CNTNAP2: variants seen among roughly 807,000 people sequenced by gnomAD.
CNTNAP2 encodes the protein contactin associated protein 2.
CNTNAP2 carries 98 observed loss-of-function variants against 155.2 expected under a neutral mutation model. The observed-to-expected ratio is 0.63, with a 90% CI of 0.54 to 0.75. CNTNAP2 has a LOEUF of 0.75. Ranked by LOEUF, CNTNAP2 falls within the 30% of genes least tolerant of loss-of-function variation. CNTNAP2 has a pLI of 0.00. For missense variants in CNTNAP2, 1,727 were observed against 1,688.1 expected (o/e 1.02, Z -0.40); for synonymous variants, 651 against 631.2 (o/e 1.03, Z -0.47).
At chr7:146,535,758 C>T (rs1208019352) in intron 1 of CNTNAP2, among the ~76,000 whole-genome samples, 4 of 151,784 alleles carry the variant, frequency 2.6e-5, no homozygotes, top group Non-Finnish European at 5.9e-5. Context: ...CTAACCCTTT[C>T]CCCCTCCCTT....
chr7:147,835,846 AAG>A (rs1310727908), intron 13 of CNTNAP2, among the ~76,000 whole-genome samples: 1 of 152,192 alleles, frequency 6.6e-6, no homozygotes, highest in African/African-American at 2.4e-5. Flanking sequence ...GACCCATGTG[AAG>A]AGAGAGGAAG....
chr7:147,993,144 C>T (rs1468194552), intron 15 of CNTNAP2, among the ~76,000 whole-genome samples: 1 of 152,178 alleles, frequency 6.6e-6, no homozygotes, highest in African/African-American at 2.4e-5. Context: ...GCTTGATTTG[C>T]TCTTTTGGTT....
chr7:147,956,607 C>T (rs373386525), intron 14 of CNTNAP2, among the ~76,000 whole-genome samples: 7 of 152,146 alleles, frequency 4.6e-5, no homozygotes, highest in Admixed American at 1.3e-4. Flanking sequence ...CATACCTAGA[C>T]CCTGAAATGA....
At chr7:146,958,370 C>T (rs1231000261) in intron 3 of CNTNAP2, among the ~76,000 whole-genome samples, 4 of 149,736 alleles carry the variant, frequency 2.7e-5, no homozygotes, top group East Asian at 3.9e-4. Context: ...TTTAAAACTA[C>T]GCTGATGCTT....
intron 14 of CNTNAP2, among the ~76,000 whole-genome samples, chr7:147,936,291 ATTTAT>A (rs1800604960): frequency 8.2e-6 from 1 of 122,252 alleles, no homozygotes; most frequent in South Asian, 3.0e-4. Flanking sequence ...TGTACACGAC[ATTTAT>A]TTTATTTTTT....
chr7:147,943,618 C>G (rs535089476), intron 14 of CNTNAP2, among the ~76,000 whole-genome samples: 2 of 151,384 alleles, frequency 1.3e-5, no homozygotes, highest in Admixed American at 1.3e-4. Flanking sequence ...AAAATAGAAA[C>G]ATTATCTGGG....
At position 147,536,132 on chromosome 7, in the gene CNTNAP2, G is replaced by T. The variant is rs940107029; in HGVS notation, c.1778-26006G>T. Among the ~76,000 whole-genome samples the T allele has an allele frequency of 3.3e-5, 5 of 152,236 alleles. No homozygotes were observed. In the East Asian group the frequency reaches 9.7e-4, roughly 29 times the overall value. On this transcript the variant is annotated intron_variant, in intron 11 of 23. Transcript: ENST00000361727. ...CTTTTAAAATTATTGCATCCACAGA[G>T]TTTACCAAATGAGTCTGAAATTTAA...
chr7:147,507,384 C>T (rs1367685097), intron 11 of CNTNAP2, among the ~76,000 whole-genome samples: 2 of 152,128 alleles, frequency 1.3e-5, no homozygotes, highest in African/African-American at 2.4e-5. Flanking sequence ...TGTCTCTCTT[C>T]ACCCGCTCCT....
chr7:148,072,432 T>C (rs1803398172), intron 15 of CNTNAP2, among the ~76,000 whole-genome samples: 1 of 152,210 alleles, frequency 6.6e-6, no homozygotes, highest in Non-Finnish European at 1.5e-5. Flanking sequence ...AAAATGGGTA[T>C]GGTTGTGCTC....
In CNTNAP2 at chr7:146,721,889, A is replaced by ATTTTTT. The variant is rs71527797; in HGVS notation, c.98-52370_98-52365dup. On this transcript the variant is annotated intron_variant, in intron 1 of 23. Coordinates refer to ENST00000361727, the MANE Select transcript of CNTNAP2 (RefSeq NM_014141.6). ...TGTGTGTGTGTGTATATATATATATATTTTTTTTTTTTTTTTTGAGATGGA... is the reference window on the plus strand; with the variant it reads ...TGTGTGTGTGTGTATATATATATATATTTTTTTTTTTTTTTTTTTTTTTGAGATGGA... 7.2e-5 allele frequency among the ~76,000 whole-genome samples: 5 copies of ATTTTTT among 69,708 alleles called. 1 individual carries two copies. In the African/African-American group the frequency reaches 9.5e-4, roughly 13 times the overall value. 45.7% of individuals were successfully genotyped at this position (69,708 alleles called of 152,430 possible).
intron 15 of CNTNAP2, among the ~76,000 whole-genome samples, chr7:148,062,014 A>G (rs1226734711): frequency 1.5e-5 from 2 of 130,492 alleles, no homozygotes; most frequent in Non-Finnish European, 3.2e-5. Context: ...TAGATGATAG[A>G]GAGAGAGAGA....
At chr7:147,178,798 T>C (rs1802399998) in intron 8 of CNTNAP2, among the ~76,000 whole-genome samples, 1 of 152,192 alleles carries the variant, frequency 6.6e-6, no homozygotes, top group Non-Finnish European at 1.5e-5. Context: ...ATGTAGGTTA[T>C]GTTCGACCTT....
intron 1 of CNTNAP2, among the ~76,000 whole-genome samples, chr7:146,277,465 C>T (rs1302805276): frequency 6.6e-6 from 1 of 152,132 alleles, no homozygotes; most frequent in Non-Finnish European, 1.5e-5. Flanking sequence ...GAGGAAAATA[C>T]TGAGCCAGTC....
At chr7:147,059,526 A>G (rs1162741565) in intron 4 of CNTNAP2, among the ~76,000 whole-genome samples, 1 of 151,622 alleles carries the variant, frequency 6.6e-6, no homozygotes, top group Non-Finnish European at 1.5e-5. Context: ...AATTAAGTAT[A>G]GTACTATCCC....
At chr7:146,846,385 A>T (rs1803841666) in intron 3 of CNTNAP2, among the ~76,000 whole-genome samples, 1 of 149,842 alleles carries the variant, frequency 6.7e-6, no homozygotes, top group African/African-American at 2.5e-5. Flanking sequence ...ATGGGGTAAA[A>T]ATCTTCAGAA....
At chr7:147,627,888 G>A (rs1236844140) in intron 12 of CNTNAP2, among the ~76,000 whole-genome samples, 2 of 150,608 alleles carry the variant, frequency 1.3e-5, no homozygotes, top group Non-Finnish European at 3.0e-5. Flanking sequence ...GAATTTTGGA[G>A]CTCAAAGACA....
At chr7:147,863,801 C>A (rs1039308827) in intron 13 of CNTNAP2, among the ~76,000 whole-genome samples, 4 of 147,766 alleles carry the variant, frequency 2.7e-5, no homozygotes, top group South Asian at 2.2e-4. Flanking sequence ...AAATTTGTTT[C>A]AGTTCTTCGT....
At chr7:146,686,062 T>C (rs1164063140) in intron 1 of CNTNAP2, among the ~76,000 whole-genome samples, 1 of 152,142 alleles carries the variant, frequency 6.6e-6, no homozygotes, top group Admixed American at 6.5e-5. Context: ...TTTGGGAGGC[T>C]GACACTGGAG....
chr7:147,115,713 T>G (rs1800972679), intron 5 of CNTNAP2, among the ~76,000 whole-genome samples: 1 of 152,100 alleles, frequency 6.6e-6, no homozygotes, highest in African/African-American at 2.4e-5. Flanking sequence ...GATCCCATAT[T>G]GTATTACCAT....
Sources: gnomAD v4.1 joint callset for allele counts (sites outside exome capture counted in the v4.1 genomes callset) on GRCh38, gnomAD v4.1.1 for gene constraint, MANE v1.5 for transcripts, NCBI Gene and HGNC (gene_info 2026-07-23, HGNC 2026-07-21) for gene names.